IL7R: variants seen among roughly 807,000 people sequenced by gnomAD.
IL7R encodes the protein interleukin-7 receptor subunit alpha.
A neutral mutation model predicts 47.0 loss-of-function variants in IL7R; 38 were observed. The observed-to-expected ratio is 0.81, with a 90% CI of 0.62 to 1.06. IL7R has a LOEUF of 1.06. IL7R is among the 50% of genes least tolerant of loss of function. The pLI, the probability that IL7R is intolerant of heterozygous loss-of-function variation, is 0.00. For missense variants in IL7R, 633 were observed against 534.8 expected, an observed-to-expected ratio of 1.18 and a Z score of -1.81; for synonymous variants, 221 against 199.8, an observed-to-expected ratio of 1.11 and a Z score of -0.89.
chr5:35,873,227 G>T (rs1760117492), intron 4 of IL7R: 1 of 527,194 alleles, frequency 1.9e-6, no homozygotes, highest in Non-Finnish European at 3.4e-6. Flanking sequence ...CCTGGGCAGT[G>T]CCTAACTCAC....
At chr5:35,874,359 C>T in intron 5 of IL7R, 90 bp from the exon 6 acceptor site, 2 of 859,146 alleles carry the variant, frequency 2.3e-6, no homozygotes, top group Non-Finnish European at 4.1e-6. Context: ...TAAGTGGGCC[C>T]ACATTACTAA....
At chr5:35,868,001 G>A (rs1309195162) in intron 3 of IL7R, among the ~76,000 whole-genome samples, 1 of 152,178 alleles carries the variant, frequency 6.6e-6, no homozygotes, top group Non-Finnish European at 1.5e-5. Context: ...TGTGGTTGTG[G>A]GAACTGGCAA....
In IL7R at chr5:35,873,503, G is replaced by A. The variant is rs11567764; in HGVS notation, c.561G>A (p.Lys187=). 6.8e-3 allele frequency: 11,045 copies of A among 1,613,958 alleles called. 649 individuals carry two copies. In the African/African-American group the frequency reaches 0.13, roughly 19 times the overall value. ...KWTHVNLSST[K]LTLLQRKLQP... is the part of the protein sequence containing the mutation. ...AGCATGTGAATTTATCCAGCACAAA[G>A]CTGACACTCCTGCAGAGAAAGCTCC... Residue 187 remains lysine (K), a synonymous_variant, in exon 5 of 8, where the codon AAG becomes AAA. Transcript: ENST00000303115.
chr5:35,860,313 A>G (rs1439439234), intron 1 of IL7R, among the ~76,000 whole-genome samples: 1 of 152,144 alleles, frequency 6.6e-6, no homozygotes, highest in Non-Finnish European at 1.5e-5. Flanking sequence ...TAGGCAAGGG[A>G]AAGTGACCTC....
chr5:35,871,760 G>A (rs536105411), intron 4 of IL7R, among the ~76,000 whole-genome samples: 1 of 152,178 alleles, frequency 6.6e-6, no homozygotes. Context: ...TTCATGATTT[G>A]TTGAGGTTGG....
Position 35,862,558 on chromosome 5 carries a change from A to C in IL7R, c.221+1568A>C, listed in dbSNP as rs369358685. 1.3e-4 allele frequency among the ~76,000 whole-genome samples: 20 copies of C among 152,310 alleles called. No homozygotes were observed. The East Asian group carries it at 3.3e-3, about 25-fold the overall frequency. The stretch of plus-strand genomic sequence containing the variant: ...ACTGCCTTAAGAAAGAAACGTTTTC[A>C]GTGGAAAATATATGTATGAGCTCTT... On this transcript the variant is annotated intron_variant, in intron 2 of 7. Transcript: ENST00000303115.
chr5:35,858,440 T>A (rs893347351), intron 1 of IL7R, among the ~76,000 whole-genome samples: 2 of 152,172 alleles, frequency 1.3e-5, no homozygotes, highest in Admixed American at 1.3e-4. Flanking sequence ...CTCCATTCAG[T>A]AGGAAGAAGA....
In IL7R at chr5:35,876,010, A is replaced by C. The variant is rs771361407; in HGVS notation, c.904A>C (p.Ser302Arg). 6.2e-7 allele frequency: 1 copy of C among 1,613,766 alleles called. No individual in the cohort carries two copies. The highest frequency in any genetic ancestry group is 8.5e-7 in the Non-Finnish European group (1 of 1,180,036). Residue 302 changes from serine (S) to arginine (R), a missense_variant, in exon 8 of 8, where the codon AGT becomes CGT. Physicochemically the swap from Ser to Arg is moderately radical, Grantham distance 110. Transcript: ENST00000303115. ...KNLNVSFNPE[S>R]FLDCQIHRVD... Reference sequence around the variant, plus strand: ...TTTAAATGTGAGTTTCAATCCTGAAAGTTTCCTGGACTGCCAGATTCATAG... The same window carrying C: ...TTTAAATGTGAGTTTCAATCCTGAACGTTTCCTGGACTGCCAGATTCATAG...
chr5:35,872,341 G>A (rs969312502), intron 4 of IL7R, among the ~76,000 whole-genome samples: 4 of 152,094 alleles, frequency 2.6e-5, no homozygotes, highest in Non-Finnish European at 4.4e-5. Flanking sequence ...TGTGATTACA[G>A]GCACCCGCCA....
intron 2 of IL7R, among the ~76,000 whole-genome samples, chr5:35,864,980 C>A (rs1759901645): frequency 6.6e-6 from 1 of 152,016 alleles, no homozygotes; most frequent in Admixed American, 6.6e-5. Context: ...TATTATTATA[C>A]TTTAAGTTCT....
At chr5:35,862,782 G>T (rs981892923) in intron 2 of IL7R, among the ~76,000 whole-genome samples, 1 of 152,042 alleles carries the variant, frequency 6.6e-6, no homozygotes, top group African/African-American at 2.4e-5. Context: ...CCTGTAATTG[G>T]ATATTTCACA....
In IL7R at chr5:35,867,440, A is replaced by T. The variant is rs1409196699; in HGVS notation, c.356A>T (p.Lys119Ile). Residue 119 changes from lysine (K) to isoleucine (I), a missense_variant, in exon 3 of 8, where the codon AAA (lysine) becomes ATA (isoleucine). Transcript: ENST00000303115. ...VKVGEKSLTC[K>I]KIDLTTIVKP... is the part of the protein sequence containing the mutation. ...GTTGGAGAAAAGAGTCTAACCTGCA[A>T]AAAAATAGACCTAACCACTATAGGT... 6.2e-7 allele frequency: 1 copy of T among 1,613,324 alleles called. No homozygotes were observed. The highest frequency in any genetic ancestry group is 1.7e-5 in the Admixed American group (1 of 59,990).
rs780995324 is a variant in IL7R at position 35,857,037 on chromosome 5, A to T, written c.60A>T (p.Gly20=). The T allele has an allele frequency of 1.2e-6, 2 of 1,607,058 alleles. No homozygotes were observed. The highest frequency in any genetic ancestry group is 1.7e-6 in the Non-Finnish European group (2 of 1,174,152). The change falls in exon 1 of 8, where the codon GGA becomes GGT. Residue 20 remains glycine (G), a synonymous_variant. Coordinates refer to ENST00000303115, the MANE Select transcript of IL7R (RefSeq NM_002185.5). ...TTTCTTTACTTCAAGTCGTTTCTGG[A>T]GAAAGTGGCTATGCTCAAAATGGTG... ...MVFSLLQVVS[G]ESGYAQNGDL...
At position 35,871,123 on chromosome 5, in the gene IL7R, A is replaced by T; in HGVS notation, c.447A>T (p.Thr149=). 1 of 1,611,198 alleles carries T rather than the reference A, an allele frequency of 6.2e-7. No individual in the cohort carries two copies. Among genetic ancestry groups the T allele is most frequent in the African/African-American group, 1.3e-5 (1 of 74,976 alleles). The change falls in exon 4 of 8, where the codon ACA becomes ACT. Residue 149 remains threonine (T), a synonymous_variant. Coordinates refer to ENST00000303115, the MANE Select transcript of IL7R (RefSeq NM_002185.5). ...YREGANDFVV[T]FNTSHLQKKY... The stretch of plus-strand genomic sequence containing the variant: ...AAGGAGCCAATGACTTTGTGGTGAC[A>T]TTTAATACATCACACTTGCAAAAGA...
Position 35,876,636 on chromosome 5 carries a change from AC to A in IL7R, c.*152del. 1 of 820,204 alleles carries A rather than the reference AC, an allele frequency of 1.2e-6. No individual in the cohort carries two copies. The highest frequency in any genetic ancestry group is 2.0e-6 in the Non-Finnish European group (1 of 500,022). 50.8% of individuals were successfully genotyped at this position (820,204 alleles called of 1,614,324 possible). A position where few individuals can be genotyped will look rare whatever the true frequency, so the allele number is the denominator to read the frequency against. On this transcript the variant is annotated 3_prime_UTR_variant, in exon 8 of 8. Transcript: ENST00000303115. The stretch of plus-strand genomic sequence containing the variant: ...TGCAAGATTCTGAAACATTGCTTTG[AC>A]CACTCTTCCTGAGTTCAGTGGCACT...
intron 4 of IL7R, among the ~76,000 whole-genome samples, chr5:35,872,916 A>T (rs976062044): frequency 3.3e-5 from 5 of 152,202 alleles, no homozygotes; most frequent in Non-Finnish European, 7.3e-5. Flanking sequence ...CTCATAAAGT[A>T]TGGAATAGAT....
In IL7R at chr5:35,876,815, A is replaced by G. The variant is rs994529398; in HGVS notation, c.*329A>G. 7.8e-6 allele frequency: 3 copies of G among 384,268 alleles called. No individual in the cohort carries two copies. Among genetic ancestry groups the G allele is most frequent in the Admixed American group, 4.2e-5 (1 of 23,552 alleles). The allele number at this position is 384,268 out of a possible 1,614,324, so 23.8% of individuals were successfully genotyped here. A position where few individuals can be genotyped will look rare whatever the true frequency, so the allele number is the denominator to read the frequency against. Reference sequence around the variant, plus strand: ...GTGAGGAAGGCAGGAAGAGAGCATGAGAGGAAAGAAAGAAAGGAAAATAAA... The same window carrying G: ...GTGAGGAAGGCAGGAAGAGAGCATGGGAGGAAAGAAAGAAAGGAAAATAAA... On this transcript the variant is annotated 3_prime_UTR_variant, in exon 8 of 8. Coordinates refer to ENST00000303115, the MANE Select transcript of IL7R (RefSeq NM_002185.5).
rs757795302 is a variant in IL7R at position 35,873,571 on chromosome 5, A to T, written c.629A>T (p.Asp210Val). The T allele has an allele frequency of 6.2e-7, 1 of 1,613,990 alleles. No homozygotes were observed. The highest frequency in any genetic ancestry group is 8.5e-7 in the Non-Finnish European group (1 of 1,179,848). The change falls in exon 5 of 8, where the codon GAT becomes GTT. Residue 210 changes from aspartate to valine, a missense_variant. Transcript: ENST00000303115. ...GAGATTAAAGTTCGATCCATCCCTG[A>T]TCACTATTTTAAAGGCTTCTGGAGT... ...MYEIKVRSIP[D>V]HYFKGFWSEW...
intron 2 of IL7R, among the ~76,000 whole-genome samples, chr5:35,866,835 C>T (rs1462344203): frequency 3.3e-5 from 5 of 151,920 alleles, no homozygotes; most frequent in South Asian, 2.1e-4. Flanking sequence ...TATAAAAATC[C>T]ATTACGTTAC....
Sources: gnomAD v4.1 joint callset for allele counts (sites outside exome capture counted in the v4.1 genomes callset) on GRCh38, gnomAD v4.1.1 for gene constraint, MANE v1.5 for transcripts, NCBI Gene and HGNC (gene_info 2026-07-23, HGNC 2026-07-21) for gene names.